The following IL7 variants were observed in gnomAD, a reference collection of about 807,000 sequenced individuals.
IL7 encodes the protein interleukin 7.
A neutral mutation model predicts 21.6 loss-of-function variants in IL7; 3 were observed. The ratio of observed to expected loss-of-function variants is 0.14; its 90% CI spans 0.06 to 0.36. The LOEUF (loss-of-function observed/expected upper bound fraction) is 0.36. IL7 is among the 10% of genes least tolerant of loss of function. The probability of loss-of-function intolerance (pLI) is 1.00; values close to 1 mark genes in which losing one functional copy is unlikely to be tolerated. For missense variants in IL7, 175 were observed against 200.2 expected, an observed-to-expected ratio of 0.87 and a Z score of 0.76; for synonymous variants, 62 against 68.1, an observed-to-expected ratio of 0.91 and a Z score of 0.44.
At chr8:78,732,291 T>C (rs1277004026), downstream of IL7, among the ~76,000 whole-genome samples, 3 of 152,138 alleles carry the variant, frequency 2.0e-5, no homozygotes, top group African/African-American at 4.8e-5. Context: ...TTCAGTAAAT[T>C]GTATGGAAGT....
At chr8:78,776,717 A>G (rs755897393) in intron 2 of IL7, among the ~76,000 whole-genome samples, 2 of 152,072 alleles carry the variant, frequency 1.3e-5, no homozygotes, top group Non-Finnish European at 2.9e-5. Flanking sequence ...CTTTACATAT[A>G]TTAGCCCATT....
At chr8:78,681,925 G>A (rs1173877619) in intron 4 of IL7, among the ~76,000 whole-genome samples, 1 of 93,898 alleles carries the variant, frequency 1.1e-5, no homozygotes, top group African/African-American at 4.4e-5. Flanking sequence ...TCTTTTTTTT[G>A]AGACAGGGAT....
At chr8:78,795,440 C>T (rs1813823313) in intron 2 of IL7, among the ~76,000 whole-genome samples, 1 of 152,054 alleles carries the variant, frequency 6.6e-6, no homozygotes, top group Admixed American at 6.6e-5. Flanking sequence ...TGTGAATTAA[C>T]CTCCTTAAGA....
intron 2 of IL7, among the ~76,000 whole-genome samples, chr8:78,792,131 C>T (rs1813717636): frequency 6.6e-6 from 1 of 151,938 alleles, no homozygotes; most frequent in African/African-American, 2.4e-5. Flanking sequence ...AGAAATAAAC[C>T]CATACATTTG....
chr8:78,729,572 T>G (rs1033355522), downstream of IL7, among the ~76,000 whole-genome samples: 4 of 151,984 alleles, frequency 2.6e-5, no homozygotes, highest in African/African-American at 9.7e-5. Flanking sequence ...TCCATTTTTT[T>G]TCTTCCCTTT....
In IL7 at chr8:78,732,904, G is replaced by T. The variant is rs1406398581; in HGVS notation, c.*809C>A. 6.6e-6 allele frequency: 1 copy of T among 151,870 alleles called. No homozygotes were observed. The highest frequency in any genetic ancestry group is 1.5e-5 in the Non-Finnish European group (1 of 67,938). The allele number at this position is 151,870 out of a possible 1,614,324, so 9.4% of individuals were successfully genotyped here. A position where few individuals can be genotyped will look rare whatever the true frequency, so the allele number is the denominator to read the frequency against. The stretch of plus-strand genomic sequence containing the variant: ...ATACAGATATTTCATTAATTAAAAG[G>T]TAAACATATATTATTATCTTAAAAA... On this transcript the variant is annotated 3_prime_UTR_variant, in exon 6 of 6. Coordinates refer to ENST00000263851, the MANE Select transcript of IL7 (RefSeq NM_000880.4).
chr8:78,741,632 T>C (rs1811783786), intron 2 of IL7, among the ~76,000 whole-genome samples: 1 of 152,228 alleles, frequency 6.6e-6, no homozygotes, highest in Admixed American at 6.5e-5. Context: ...AGGTTATTAA[T>C]AAAACTTATT....
chr8:78,789,542 T>C (rs1813617625), intron 2 of IL7, among the ~76,000 whole-genome samples: 1 of 152,106 alleles, frequency 6.6e-6, no homozygotes, highest in African/African-American at 2.4e-5. Flanking sequence ...GGGGGAGAGA[T>C]ACTTCATTAA....
intron 2 of IL7, among the ~76,000 whole-genome samples, chr8:78,743,539 T>C (rs1811871170): frequency 6.6e-6 from 1 of 151,370 alleles, no homozygotes; most frequent in Non-Finnish European, 1.5e-5. Context: ...GCTCTGAAAT[T>C]CTTTCCTCTG....
intron 1 of IL7, among the ~76,000 whole-genome samples, chr8:78,802,604 T>C (rs2130855207): frequency 6.6e-6 from 1 of 152,180 alleles, no homozygotes; most frequent in African/African-American, 2.4e-5. Flanking sequence ...CAAATTTTTT[T>C]GTATTTTTAG....
chr8:78,701,501 G>A (rs1243622051), intron 3 of IL7, among the ~76,000 whole-genome samples: 1 of 152,146 alleles, frequency 6.6e-6, no homozygotes, highest in African/African-American at 2.4e-5. Context: ...TCTCTTGCCT[G>A]ATTGCACTGG....
chr8:78,772,632 A>T (rs1277744400), intron 2 of IL7, among the ~76,000 whole-genome samples: 2 of 152,192 alleles, frequency 1.3e-5, no homozygotes, highest in Admixed American at 1.3e-4. Context: ...ATTTTACCGT[A>T]GGTTAATTGA....
intron 1 of IL7, among the ~76,000 whole-genome samples, chr8:78,801,662 C>A (rs1032646989): frequency 2.0e-5 from 3 of 152,302 alleles, no homozygotes; most frequent in South Asian, 4.1e-4. Context: ...AGGTCACTTA[C>A]CTGATTTCTA....
chr8:78,770,651 A>G (rs1396447721), intron 2 of IL7, among the ~76,000 whole-genome samples: 1 of 152,060 alleles, frequency 6.6e-6, no homozygotes, highest in Non-Finnish European at 1.5e-5. Flanking sequence ...TTAATTATAT[A>G]TACATATGCA....
chr8:78,762,527 C>A (rs1365049361), intron 2 of IL7: 4 of 730,938 alleles, frequency 5.5e-6, no homozygotes, highest in Non-Finnish European at 5.6e-6. Flanking sequence ...CCAGGCCGGC[C>A]GGCCGGCTCG....
chr8:78,802,905 C>A (rs1387586075), intron 1 of IL7, among the ~76,000 whole-genome samples: 1 of 152,164 alleles, frequency 6.6e-6, no homozygotes, highest in Non-Finnish European at 1.5e-5. Context: ...ATGAACCTCA[C>A]TAAGGTACTT....
At chr8:78,759,168 T>A (rs1036697996) in intron 2 of IL7, among the ~76,000 whole-genome samples, 4 of 151,014 alleles carry the variant, frequency 2.6e-5, no homozygotes, top group Non-Finnish European at 4.4e-5. Context: ...ATATATATAT[T>A]TTAATTTCAT....
chr8:78,753,032 G>C (rs1335576581), intron 2 of IL7, among the ~76,000 whole-genome samples: 2 of 152,214 alleles, frequency 1.3e-5, no homozygotes, highest in East Asian at 3.9e-4. Flanking sequence ...CTTTGCTATT[G>C]TGAATAGCTG....
intron 5 of IL7, among the ~76,000 whole-genome samples, chr8:78,734,822 G>T (rs970427446): frequency 1.3e-5 from 2 of 152,092 alleles, no homozygotes; most frequent in Admixed American, 1.3e-4. Flanking sequence ...TGAACTTGAT[G>T]ATTTGAACTC....
Sources: allele counts gnomAD v4.1 joint callset (sites outside exome capture counted in the v4.1 genomes callset), GRCh38; gene constraint gnomAD v4.1.1; transcripts MANE v1.5; gene names NCBI Gene and HGNC (gene_info 2026-07-23, HGNC 2026-07-21).